The following SOX6 variants were observed in gnomAD, a reference collection of about 807,000 sequenced individuals.
SOX6 encodes SRY-box transcription factor 6.
Under a neutral mutation model 97.8 loss-of-function variants are expected in SOX6, and 11 were observed. The ratio of observed to expected loss-of-function variants is 0.11; its 90% CI spans 0.07 to 0.19. The LOEUF is 0.19. SOX6 is among the 10% of genes least tolerant of loss of function. The pLI, the probability that SOX6 is intolerant of heterozygous loss-of-function variation, is 1.00. For synonymous variants in SOX6, 360 were observed against 371.4 expected (o/e 0.97, Z 0.35); for missense variants, 810 against 1,039.5 (o/e 0.78, Z 3.04).
upstream of SOX6, among the ~76,000 whole-genome samples, chr11:16,476,969 C>T (rs2133121264): frequency 1.3e-5 from 2 of 152,320 alleles, 1 homozygote. Context: ...GCAACTCAAA[C>T]ACACAGAGCT....
At chr11:16,015,887 TGAATGAA>T (rs2133864097) in intron 12 of SOX6, among the ~76,000 whole-genome samples, 1 of 152,194 alleles carries the variant, frequency 6.6e-6, no homozygotes, top group East Asian at 1.9e-4. Flanking sequence ...TGCTTATGAA[TGAATGAA>T]ACCTTGTTGT....
In SOX6 at chr11:16,111,862, G is replaced by T. The variant is rs1308191163; in HGVS notation, c.839C>A (p.Ala280Glu). 1 of 1,612,804 alleles carries T rather than the reference G, an allele frequency of 6.2e-7. No individual in the cohort carries two copies. Among genetic ancestry groups the T allele is most frequent in the Non-Finnish European group, 8.5e-7 (1 of 1,179,902 alleles). Residue 280 changes from alanine to glutamate, a missense_variant, in exon 7 of 16, where the codon GCA becomes GAA. Around this residue, in one of 9 missense-constraint regions of SOX6, gnomAD observed 244 missense variants for 261.0 expected, o/e 0.93. Coordinates refer to ENST00000683767, the MANE Select transcript of SOX6 (RefSeq NM_001367873.1). Reference sequence around the variant, plus strand: ...TCCCTGTTGGGCAGCAGCAGCTGCTGCCAGAGTCCGCTGGTCATGTGGAAA... The same window carrying T: ...TCCCTGTTGGGCAGCAGCAGCTGCTTCCAGAGTCCGCTGGTCATGTGGAAA... ...PIFPHDQRTL[A>E]AAAAAQQGFL...
At chr11:16,157,293 C>T (rs1302429207) in intron 6 of SOX6, among the ~76,000 whole-genome samples, 1 of 151,994 alleles carries the variant, frequency 6.6e-6, no homozygotes, top group Non-Finnish European at 1.5e-5. Flanking sequence ...TACTTTTAGC[C>T]TCCTCTTTTG....
At chr11:16,699,734 T>G (rs1451030876) in intron 3 of SOX6, among the ~76,000 whole-genome samples, 4 of 151,854 alleles carry the variant, frequency 2.6e-5, no homozygotes, top group African/African-American at 7.3e-5. Context: ...TACAAATACT[T>G]ACATCACAGA....
intron 9 of SOX6, among the ~76,000 whole-genome samples, chr11:16,090,849 A>C (rs1220497295): frequency 6.6e-6 from 1 of 152,072 alleles, no homozygotes; most frequent in African/African-American, 2.4e-5. Context: ...TCTAGAGTAG[A>C]ATTGACTGCT....
At chr11:16,399,819 C>T (rs1030991865) in intron 1 of SOX6, among the ~76,000 whole-genome samples, 1 of 151,352 alleles carries the variant, frequency 6.6e-6, no homozygotes, top group Admixed American at 6.6e-5. Flanking sequence ...GTATTTGTTA[C>T]ATGACATTTG....
intron 3 of SOX6, among the ~76,000 whole-genome samples, chr11:16,261,366 C>T (rs1199558510): frequency 6.6e-6 from 1 of 152,070 alleles, no homozygotes; most frequent in African/African-American, 2.4e-5. Flanking sequence ...AAATTTAATA[C>T]TATGTTTTAA....
upstream of SOX6, among the ~76,000 whole-genome samples, chr11:16,479,123 A>G (rs1439149642): frequency 1.3e-5 from 2 of 152,236 alleles, no homozygotes; most frequent in African/African-American, 4.8e-5. Context: ...GTCACAGTCT[A>G]TTACACATCT....
intron 13 of SOX6, among the ~76,000 whole-genome samples, chr11:16,008,201 G>A (rs983306160): frequency 6.6e-6 from 1 of 151,918 alleles, no homozygotes; most frequent in South Asian, 2.1e-4. Context: ...CATGGAAAAA[G>A]TCTGTACATG....
intron 1 of SOX6, among the ~76,000 whole-genome samples, chr11:16,425,546 T>G (rs963221817): frequency 1.3e-5 from 2 of 152,168 alleles, no homozygotes; most frequent in African/African-American, 2.4e-5. Context: ...ACAGACAACA[T>G]GATCCTACAT....
intron 3 of SOX6, among the ~76,000 whole-genome samples, chr11:16,299,628 G>A (rs970599324): frequency 4.6e-5 from 7 of 152,184 alleles, no homozygotes; most frequent in Admixed American, 2.0e-4. Flanking sequence ...AGTCAACTAC[G>A]ATAGGTAAGA....
At chr11:16,323,155 T>C (rs1049295047) in intron 2 of SOX6, among the ~76,000 whole-genome samples, 2 of 152,102 alleles carry the variant, frequency 1.3e-5, no homozygotes, top group South Asian at 4.1e-4. Flanking sequence ...AAAAAAGCCA[T>C]GTTGATTCAG....
At chr11:16,352,254 G>T (rs544313976) in intron 1 of SOX6, among the ~76,000 whole-genome samples, 1 of 31,206 alleles carries the variant, frequency 3.2e-5, no homozygotes, top group African/African-American at 2.5e-4. Context: ...GGCAGATGAT[G>T]GATGGATGGA....
At chr11:16,734,882 G>A (rs1398104612) in intron 2 of SOX6, among the ~76,000 whole-genome samples, 1 of 152,148 alleles carries the variant, frequency 6.6e-6, no homozygotes, top group Non-Finnish European at 1.5e-5. Context: ...ACTTATTTTT[G>A]TTGTGGTGGG....
intron 3 of SOX6, among the ~76,000 whole-genome samples, chr11:16,242,602 C>T (rs1318302395): frequency 6.6e-6 from 1 of 150,520 alleles, no homozygotes; most frequent in East Asian, 1.9e-4. Context: ...CAAAAGAAAA[C>T]ACACCAGAAA....
chr11:16,055,715 T>C (rs1847797418), intron 10 of SOX6, 37 bp downstream of exon 10: 1 of 1,613,150 alleles, frequency 6.2e-7, no homozygotes, highest in African/African-American at 1.3e-5. Flanking sequence ...GAAACTTTTT[T>C]CTAAACTGTT....
chr11:16,440,722 G>A (rs1043326254), intron 1 of SOX6, among the ~76,000 whole-genome samples: 1 of 151,980 alleles, frequency 6.6e-6, no homozygotes, highest in Non-Finnish European at 1.5e-5. Flanking sequence ...TAATAATACT[G>A]TTTCTCTATT....
intron 1 of SOX6, among the ~76,000 whole-genome samples, chr11:16,409,259 C>A (rs1229036525): frequency 6.9e-6 from 1 of 145,618 alleles, no homozygotes; most frequent in Non-Finnish European, 1.5e-5. Flanking sequence ...CTATCCCTAA[C>A]TTTCCTCTTG....
intron 1 of SOX6, among the ~76,000 whole-genome samples, chr11:16,371,344 C>T (rs1279275411): frequency 6.6e-6 from 1 of 152,062 alleles, no homozygotes; most frequent in Non-Finnish European, 1.5e-5. Context: ...TGATACCCTC[C>T]CTGACTATCC....
Sources: gnomAD v4.1 joint callset for allele counts (sites outside exome capture counted in the v4.1 genomes callset) on GRCh38, gnomAD v4.1.1 for gene constraint, gnomAD v4.1.1 regional missense constraint, MANE v1.5 for transcripts, NCBI Gene and HGNC (gene_info 2026-07-23, HGNC 2026-07-21) for gene names.